The following CTNNA2 variants were observed in gnomAD, a reference collection of about 807,000 sequenced individuals.
CTNNA2 encodes the protein catenin alpha 2, also known as catenin alpha-2.
CTNNA2 carries 42 observed loss-of-function variants against 101.0 expected under a neutral mutation model. The observed-to-expected ratio is 0.42, with a 90% CI of 0.32 to 0.54. CTNNA2 has a LOEUF of 0.54. CTNNA2 is among the 20% of genes least tolerant of loss of function. CTNNA2 has a pLI of 0.14. For missense variants in CTNNA2, 871 were observed against 1,223.1 expected, an observed-to-expected ratio of 0.71 and a Z score of 4.29; for synonymous variants, 450 against 456.4, an observed-to-expected ratio of 0.99 and a Z score of 0.18.
At chr2:80,599,903 T>A (rs1333950816) in intron 15 of CTNNA2, among the ~76,000 whole-genome samples, 4 of 150,694 alleles carry the variant, frequency 2.7e-5, no homozygotes, top group Non-Finnish European at 5.9e-5. Flanking sequence ...TAGGTATATC[T>A]CCTAATGCTA....
At chr2:80,609,122 T>G (rs2149785965) in intron 17 of CTNNA2, among the ~76,000 whole-genome samples, 1 of 151,870 alleles carries the variant, frequency 6.6e-6, no homozygotes, top group Non-Finnish European at 1.5e-5. Flanking sequence ...CTCTGACACC[T>G]TAGTTCTTTT....
chr2:80,248,892 C>T (rs1436743208), intron 7 of CTNNA2, among the ~76,000 whole-genome samples: 2 of 152,094 alleles, frequency 1.3e-5, no homozygotes, highest in East Asian at 1.9e-4. Flanking sequence ...ATCTTACTAC[C>T]ATTGCTACTG....
chr2:79,777,927 A>T (rs1674113628), intron 3 of CTNNA2, among the ~76,000 whole-genome samples: 1 of 148,474 alleles, frequency 6.7e-6, no homozygotes, highest in Non-Finnish European at 1.5e-5. Context: ...CTTGCCAGAG[A>T]CAAGAATAAA....
chr2:79,932,199 T>C (rs1321842499), intron 7 of CTNNA2, among the ~76,000 whole-genome samples: 1 of 152,146 alleles, frequency 6.6e-6, no homozygotes, highest in African/African-American at 2.4e-5. Context: ...GGACCTGCCC[T>C]TCCTCCCCAC....
chr2:79,432,274 T>TC (rs1036590039), intron 4 of CTNNA2, among the ~76,000 whole-genome samples: 6 of 152,134 alleles, frequency 3.9e-5, no homozygotes, highest in Admixed American at 6.5e-5. Flanking sequence ...GTTATCATGA[T>TC]CATTTAATGG....
chr2:80,103,580 A>T (rs777464276), intron 7 of CTNNA2, among the ~76,000 whole-genome samples: 1 of 152,204 alleles, frequency 6.6e-6, no homozygotes, highest in African/African-American at 2.4e-5. Flanking sequence ...GCAAGTTAGT[A>T]TCCCCATCTA....
chr2:79,823,805 T>A (rs966993048), intron 3 of CTNNA2, among the ~76,000 whole-genome samples: 12 of 152,132 alleles, frequency 7.9e-5, no homozygotes, highest in African/African-American at 2.9e-4. Context: ...CATTTTCCAA[T>A]CTCCTTCCTT....
intron 2 of CTNNA2, among the ~76,000 whole-genome samples, chr2:79,256,198 A>C (rs1321391901): frequency 1.3e-5 from 2 of 152,198 alleles, no homozygotes; most frequent in Non-Finnish European, 2.9e-5. Flanking sequence ...ACTCACCTCC[A>C]AATGTCTGGG....
intron 2 of CTNNA2, among the ~76,000 whole-genome samples, chr2:79,237,947 T>C (rs1674578155): frequency 6.6e-6 from 1 of 152,194 alleles, no homozygotes; most frequent in Non-Finnish European, 1.5e-5. Context: ...TCACTTTTTT[T>C]ACCATTTGTT....
chr2:79,971,217 A>G (rs1397081783), intron 7 of CTNNA2, among the ~76,000 whole-genome samples: 1 of 152,200 alleles, frequency 6.6e-6, no homozygotes, highest in Non-Finnish European at 1.5e-5. Context: ...AAGCAAATGT[A>G]CAGACATAGT....
chr2:79,914,304 G>C (rs1686033142), intron 7 of CTNNA2, among the ~76,000 whole-genome samples: 1 of 151,914 alleles, frequency 6.6e-6, no homozygotes, highest in South Asian at 2.1e-4. Context: ...GTCTAAGTAT[G>C]GTTCACATTC....
chr2:79,491,038 T>C (rs1207124194), intron 4 of CTNNA2, among the ~76,000 whole-genome samples: 3 of 152,138 alleles, frequency 2.0e-5, no homozygotes, highest in Admixed American at 6.6e-5. Context: ...AGCACAGTAA[T>C]GGATGAAAAC....
At position 79,861,141 on chromosome 2, in the gene CTNNA2, ACT is replaced by A. The variant is rs531513463; in HGVS notation, c.465+2965_465+2966del. Among the ~76,000 whole-genome samples, 10 of 152,236 alleles carry A rather than the reference ACT, an allele frequency of 6.6e-5. No individual in the cohort carries two copies. The South Asian group carries it at 1.2e-3, about 19-fold the overall frequency. On this transcript the variant is annotated intron_variant, in intron 4 of 18. Transcript: ENST00000402739. Reference sequence around the variant, plus strand: ...GCTTTCTAAGAAGAGTAAAGTAGTGACTCTGGTTTTCTAGTTGGGTTCAGATT... The same window carrying A: ...GCTTTCTAAGAAGAGTAAAGTAGTGACTGGTTTTCTAGTTGGGTTCAGATT...
chr2:79,418,833 T>G (rs1678510354), intron 4 of CTNNA2, among the ~76,000 whole-genome samples: 1 of 152,062 alleles, frequency 6.6e-6, no homozygotes, highest in Non-Finnish European at 1.5e-5. Flanking sequence ...CTCCCTAGAG[T>G]TATACAGTAT....
chr2:80,526,514 G>A (rs983629638), intron 9 of CTNNA2, among the ~76,000 whole-genome samples: 1 of 151,660 alleles, frequency 6.6e-6, no homozygotes, highest in Non-Finnish European at 1.5e-5. Context: ...TGTATTTTTA[G>A]TAGAGATGGG....
chr2:80,626,790 A>T (rs1573498634), intron 18 of CTNNA2, among the ~76,000 whole-genome samples: 1 of 152,016 alleles, frequency 6.6e-6, no homozygotes, highest in African/African-American at 2.4e-5. Flanking sequence ...AGGTATACAT[A>T]TGCCATGGTG....
intron 7 of CTNNA2, among the ~76,000 whole-genome samples, chr2:79,932,328 C>G (rs1278223228): frequency 6.6e-6 from 1 of 151,906 alleles, no homozygotes; most frequent in Non-Finnish European, 1.5e-5. Context: ...GAAAGAGGAG[C>G]AGGGGAGAAA....
chr2:80,524,300 A>G (rs1365205346), intron 9 of CTNNA2, among the ~76,000 whole-genome samples: 1 of 152,172 alleles, frequency 6.6e-6, no homozygotes, highest in Non-Finnish European at 1.5e-5. Flanking sequence ...ATCCTCCTCC[A>G]CATTCCTTGT....
At chr2:79,755,386 T>C (rs1672328746) in intron 3 of CTNNA2, among the ~76,000 whole-genome samples, 1 of 152,154 alleles carries the variant, frequency 6.6e-6, no homozygotes, top group African/African-American at 2.4e-5. Context: ...AGGGCAGACC[T>C]TGAAGTTGGA....
Sources: allele counts gnomAD v4.1 joint callset (sites outside exome capture counted in the v4.1 genomes callset), GRCh38; gene constraint gnomAD v4.1.1; transcripts MANE v1.5; gene names NCBI Gene and HGNC (gene_info 2026-07-23, HGNC 2026-07-21).